MIOS: variants seen among roughly 807,000 people sequenced by gnomAD.
MIOS encodes the protein GATOR2 complex protein MIOS.
In MIOS, 52 loss-of-function variants were observed where a neutral mutation model predicts 96.9. That is an observed-to-expected ratio of 0.54 (90% confidence interval 0.43 to 0.68). The LOEUF (loss-of-function observed/expected upper bound fraction) is 0.68. MIOS is among the 30% of genes least tolerant of loss of function. MIOS has a pLI of 0.00. For synonymous variants in MIOS, 397 were observed against 359.5 expected (o/e 1.10, Z -1.18); for missense variants, 1,005 against 1,052.8 (o/e 0.95, Z 0.63).
At chr7:7,604,153 A>G (rs1009084084) in intron 11 of MIOS, among the ~76,000 whole-genome samples, 2 of 152,166 alleles carry the variant, frequency 1.3e-5, no homozygotes, top group Non-Finnish European at 2.9e-5. Flanking sequence ...AACATGGCAC[A>G]TGTATACATA....
intron 5 of MIOS, among the ~76,000 whole-genome samples, chr7:7,578,017 C>T (rs1654448228): frequency 1.3e-5 from 2 of 152,080 alleles, no homozygotes; most frequent in African/African-American, 4.8e-5. Context: ...GGTGAAGACA[C>T]TGCGAGGTTG....
Position 7,583,411 on chromosome 7 carries a change from G to T in MIOS, c.1648+39G>T, listed in dbSNP as rs377657474. The T allele has an allele frequency of 7.4e-6, 11 of 1,493,712 alleles. No individual in the cohort carries two copies. In the African/African-American group the frequency reaches 1.5e-4, roughly 21 times the overall value. The allele number at this position is 1,493,712 out of a possible 1,614,324, so 92.5% of individuals were successfully genotyped here. On this transcript the variant is annotated intron_variant, in intron 6 of 12. Coordinates refer to ENST00000340080, the MANE Select transcript of MIOS (RefSeq NM_019005.4). ...AACTAAGATATTAGTTATAATCTAAGATGTTAGCAGTTCATGGAATCTTTT... is the reference window on the plus strand; with the variant it reads ...AACTAAGATATTAGTTATAATCTAATATGTTAGCAGTTCATGGAATCTTTT...
intron 5 of MIOS, among the ~76,000 whole-genome samples, chr7:7,579,187 T>C (rs186293292): frequency 6.6e-6 from 1 of 152,206 alleles, no homozygotes; most frequent in Non-Finnish European, 1.5e-5. Context: ...TATTAAAAAT[T>C]TATATGTAAA....
In MIOS at chr7:7,572,562, T is replaced by C. The variant is rs761180241; in HGVS notation, c.87T>C (p.His29=). 2.2e-5 allele frequency: 35 copies of C among 1,614,136 alleles called. No individual in the cohort carries two copies. Among genetic ancestry groups the C allele is most frequent in the Non-Finnish European group, 2.7e-5 (32 of 1,179,970 alleles). ...VVCDSELSLY[H]VESTVNSELK... Reference sequence around the variant, plus strand: ...GTGACTCAGAACTAAGTCTTTATCATGTGGAATCTACTGTGAATTCAGAAC... The same window carrying C: ...GTGACTCAGAACTAAGTCTTTATCACGTGGAATCTACTGTGAATTCAGAAC... Residue 29 remains histidine (H), a synonymous_variant, in exon 4 of 13, where the codon CAT becomes CAC. Transcript: ENST00000340080. The surrounding 1 kb of genome is among the most constrained non-coding windows in gnomAD (Gnocchi z 4.8).
At chr7:7,598,883 C>A (rs1177659085) in intron 11 of MIOS, among the ~76,000 whole-genome samples, 2 of 152,030 alleles carry the variant, frequency 1.3e-5, no homozygotes, top group Non-Finnish European at 2.9e-5. Context: ...CAAATATTAA[C>A]ATTTTTCCAT....
At chr7:7,589,349 G>A (rs1783981387) in intron 8 of MIOS, 56 bp from the exon 9 acceptor site, 1 of 1,501,186 alleles carries the variant, frequency 6.7e-7, no homozygotes, top group Non-Finnish European at 9.1e-7. Flanking sequence ...TAGTTTTGAA[G>A]TACAAAATAC....
At chr7:7,595,670 A>G (rs1360683911) in intron 10 of MIOS, among the ~76,000 whole-genome samples, 5 of 152,212 alleles carry the variant, frequency 3.3e-5, no homozygotes, top group African/African-American at 1.2e-4. Context: ...TTCTTATTTT[A>G]GGAACTTGAG....
intron 9 of MIOS, among the ~76,000 whole-genome samples, chr7:7,590,268 A>G (rs536475291): frequency 6.6e-6 from 1 of 152,174 alleles, no homozygotes; most frequent in Non-Finnish European, 1.5e-5. Context: ...CTTCTTGTGC[A>G]TATATAGAGA....
intron 11 of MIOS, among the ~76,000 whole-genome samples, chr7:7,602,487 G>C (rs1453134465): frequency 6.6e-6 from 1 of 152,062 alleles, no homozygotes; most frequent in East Asian, 1.9e-4. Context: ...GCTTCAAAGA[G>C]AATAAAATAC....
chr7:7,605,762 T>A (rs1463447410), intron 11 of MIOS, 180 bp from the exon 12 acceptor site: 1 of 503,492 alleles, frequency 2.0e-6, no homozygotes, highest in Admixed American at 3.8e-5. Flanking sequence ...CTATTAAAAA[T>A]GTAGGGGAGC....
chr7:7,607,220 C>G lies in MIOS; in HGVS notation c.*128C>G. 3 of 634,298 alleles carry G rather than the reference C, an allele frequency of 4.7e-6. No individual in the cohort carries two copies. The highest frequency in any genetic ancestry group is 7.9e-6 in the Non-Finnish European group (3 of 381,240). 39.3% of individuals were successfully genotyped at this position (634,298 alleles called of 1,614,324 possible). A position where few individuals can be genotyped will look rare whatever the true frequency, so the allele number is the denominator to read the frequency against. ...GTAATGGGAAAATAAATCATTCTAT[C>G]AGATCAGCAGTTTTGATGTTTGAGT... On this transcript the variant is annotated 3_prime_UTR_variant, in exon 13 of 13. Coordinates refer to ENST00000340080, the MANE Select transcript of MIOS (RefSeq NM_019005.4).
In MIOS at chr7:7,573,799, T is replaced by C. The variant is rs549865340; in HGVS notation, c.1294+30T>C. 2 of 1,534,342 alleles carry C rather than the reference T, an allele frequency of 1.3e-6. No homozygotes were observed. Among genetic ancestry groups the C allele is most frequent in the Non-Finnish European group, 1.8e-6 (2 of 1,141,772 alleles). ...CCTTTTCATTGTGAATTTTGTGAGG[T>C]GAATCAGGTAGAAATGTTCTTGAAG... On this transcript the variant is annotated intron_variant, in intron 4 of 12. Transcript: ENST00000340080. The surrounding 1 kb of genome is among the most constrained non-coding windows in gnomAD (Gnocchi z 5.0).
At chr7:7,589,373 T>A (rs369917746) in intron 8 of MIOS, 32 bp from the exon 9 acceptor site, 303 of 1,598,676 alleles carry the variant, frequency 1.9e-4, no homozygotes, top group Non-Finnish European at 2.4e-4. Flanking sequence ...GTGAAACAGA[T>A]TGCTTTAGAA....
rs1283398754 is a variant in MIOS at position 7,595,075 on chromosome 7, A to G, written c.2139A>G (p.Arg713=). The change falls in exon 10 of 13, where the codon CGA becomes CGG. Residue 713 remains arginine, a synonymous_variant. Coordinates refer to ENST00000340080, the MANE Select transcript of MIOS (RefSeq NM_019005.4). The stretch of plus-strand genomic sequence containing the variant: ...ATGCCTGGAGGTTTTGGCATAAACG[A>G]GCTGAATTTGATATTCACAGGAGTA... The part of the protein sequence containing the change: ...LLDAWRFWHK[R]AEFDIHRSKL... The G allele has an allele frequency of 2.5e-6, 4 of 1,614,028 alleles. No homozygotes were observed. In the African/African-American group the frequency reaches 4.0e-5, roughly 16 times the overall value.
At position 7,573,209 on chromosome 7, in the gene MIOS, A is replaced by T; in HGVS notation, c.734A>T (p.Glu245Val). Residue 245 changes from glutamate (E) to valine (V), a missense_variant, in exon 4 of 13, where the codon GAA becomes GTA. Glu to Val is a moderately radical substitution (Grantham distance 121). Coordinates refer to ENST00000340080, the MANE Select transcript of MIOS (RefSeq NM_019005.4). This position sits in a 1 kb window ranked among gnomAD's most constrained non-coding sequence, Gnocchi z 5.0. ...YFHDRVASFY[E>V]GQVAIWDLRK... is the part of the protein sequence containing the mutation. ...CACGATCGTGTTGCTTCCTTCTATG[A>T]AGGTCAGGTTGCAATATGGGATCTT... The T allele has an allele frequency of 6.2e-7, 1 of 1,614,102 alleles. No individual in the cohort carries two copies. Among genetic ancestry groups the T allele is most frequent in the South Asian group, 1.1e-5 (1 of 91,082 alleles).
chr7:7,598,027 A>G (rs1338322989), intron 11 of MIOS, among the ~76,000 whole-genome samples: 1 of 152,196 alleles, frequency 6.6e-6, no homozygotes, highest in Non-Finnish European at 1.5e-5. Flanking sequence ...AACATATGGG[A>G]AAAAATTTTG....
At chr7:7,601,953 C>T (rs947542780) in intron 11 of MIOS, among the ~76,000 whole-genome samples, 2 of 152,148 alleles carry the variant, frequency 1.3e-5, no homozygotes, top group Non-Finnish European at 2.9e-5. Context: ...AGCACATAAA[C>T]AGAACCAAAG....
At chr7:7,570,903 G>A (rs906256479) in intron 3 of MIOS, among the ~76,000 whole-genome samples, 1 of 152,192 alleles carries the variant, frequency 6.6e-6, no homozygotes, top group Admixed American at 6.5e-5. Context: ...GAACTGGTCT[G>A]CGGCCCTGGG....
intron 12 of MIOS, 41 bp from the exon 13 acceptor site, chr7:7,606,955 C>G (rs558698622): frequency 7.2e-7 from 1 of 1,382,710 alleles, no homozygotes; most frequent in East Asian, 2.3e-5. Context: ...GTATGTCTGT[C>G]TAATTTGGAT....
Sources: allele counts gnomAD v4.1 joint callset (sites outside exome capture counted in the v4.1 genomes callset), GRCh38; gene constraint gnomAD v4.1.1; non-coding constraint Gnocchi (gnomAD v3.1); transcripts MANE v1.5; gene names NCBI Gene and HGNC (gene_info 2026-07-23, HGNC 2026-07-21).